TSPAN16: variants seen among roughly 807,000 people sequenced by gnomAD.
TSPAN16 encodes tetraspanin-16.
A neutral mutation model predicts 25.2 loss-of-function variants in TSPAN16; 23 were observed. That is an observed-to-expected ratio of 0.91 (90% CI 0.66 to 1.29). TSPAN16 has a LOEUF of 1.29. TSPAN16 is among the 50% of genes most tolerant of loss of function. The pLI is 0.00. For missense variants in TSPAN16, 272 were observed against 299.9 expected, an observed-to-expected ratio of 0.91 and a Z score of 0.69; for synonymous variants, 123 against 124.4, an observed-to-expected ratio of 0.99 and a Z score of 0.08.
chr19:11,306,037 G>C (rs2080622585), intron 4 of TSPAN16, among the ~76,000 whole-genome samples: 2 of 152,178 alleles, frequency 1.3e-5, no homozygotes, highest in Non-Finnish European at 2.9e-5. Context: ...GGAGGACAAG[G>C]AGGGTGGATC....
downstream of TSPAN16, among the ~76,000 whole-genome samples, chr19:11,320,300 T>C (rs1357868424): frequency 6.6e-6 from 1 of 152,002 alleles, no homozygotes; most frequent in Non-Finnish European, 1.5e-5. Context: ...TGTTATATTT[T>C]TAGTAGAGAT....
intron 6 of TSPAN16, among the ~76,000 whole-genome samples, chr19:11,313,039 A>C (rs2080709955): frequency 6.6e-6 from 1 of 152,188 alleles, no homozygotes; most frequent in Admixed American, 6.6e-5. Context: ...TTAAATTAGT[A>C]ACCAAAAAAC....
At position 11,310,679 on chromosome 19, in the gene TSPAN16, G is replaced by A. The variant is rs146730878; in HGVS notation, c.604-1460G>A. ...AGTACCCAAATTATGGGGTTATAGT[G>A]AGAAATGAGTAAGAAAATATGTGGA... On this transcript the variant is annotated intron_variant, in intron 5 of 6. Coordinates refer to ENST00000590327, the MANE Select transcript of TSPAN16 (RefSeq NM_001282509.2). Among the ~76,000 whole-genome samples the A allele has an allele frequency of 4.8e-3, 724 of 152,248 alleles. 9 individuals are homozygous for A. Among genetic ancestry groups the A allele is most frequent in the Admixed American group, 0.026 (402 of 15,270 alleles).
chr19:11,325,687 A>G, intron 6 of TSPAN16: 4 of 1,130,486 alleles, frequency 3.5e-6, no homozygotes, highest in East Asian at 2.4e-5. Context: ...TCTGCTCTTT[A>G]TCCTGCTGTG....
chr19:11,309,217 CAA>C (rs112897054), intron 5 of TSPAN16, among the ~76,000 whole-genome samples: 23 of 106,692 alleles, frequency 2.2e-4, no homozygotes, highest in Admixed American at 3.8e-4. Flanking sequence ...CTAAAATAGA[CAA>C]AAAAAAAAAA....
chr19:11,310,393 T>A (rs559288685), intron 5 of TSPAN16, among the ~76,000 whole-genome samples: 2 of 151,958 alleles, frequency 1.3e-5, no homozygotes, highest in East Asian at 3.9e-4. Flanking sequence ...TGGGAGCCTG[T>A]AACTCCAGCT....
At chr19:11,307,846 G>C (rs73508685) in intron 5 of TSPAN16, 8,440 of 152,222 alleles carry the variant, frequency 0.055, 791 homozygotes, top group African/African-American at 0.19. Context: ...AGGGACTTAC[G>C]GTTACCTTCT....
At chr19:11,318,537 G>C (rs2080760780), downstream of TSPAN16, among the ~76,000 whole-genome samples, 2 of 152,116 alleles carry the variant, frequency 1.3e-5, no homozygotes, top group African/African-American at 4.8e-5. Context: ...TTAAGATATA[G>C]TCATGGTCAC....
intron 3 of TSPAN16, among the ~76,000 whole-genome samples, chr19:11,299,274 C>T (rs984152590): frequency 6.0e-5 from 9 of 150,586 alleles, no homozygotes; most frequent in Non-Finnish European, 1.0e-4. Context: ...AATGAGACTC[C>T]GTTAAAAAAA....
At chr19:11,320,465 G>T (rs1367504458), downstream of TSPAN16, among the ~76,000 whole-genome samples, 1 of 151,992 alleles carries the variant, frequency 6.6e-6, no homozygotes, top group Admixed American at 6.6e-5. Flanking sequence ...ATGGCTGGAA[G>T]CTGGGAGTTC....
intron 5 of TSPAN16, among the ~76,000 whole-genome samples, chr19:11,309,638 T>C (rs1443924642): frequency 1.3e-5 from 2 of 152,264 alleles, no homozygotes; most frequent in Admixed American, 6.5e-5. Context: ...TCTGTCTTCA[T>C]ACCCTGTTTC....
chr19:11,316,118 G>GTGTGTGTGTGTGGT (rs1568295764), downstream of TSPAN16: 4 of 106,252 alleles, frequency 3.8e-5, no homozygotes, highest in Admixed American at 3.0e-4. Context: ...TGTGTGTGTG[G>GTGTGTGTGTGTGGT]TTTTTTTTTT....
chr19:11,306,493 A>G, intron 4 of TSPAN16, 111 bp from the exon 5 acceptor site: 1 of 1,312,256 alleles, frequency 7.6e-7, no homozygotes, highest in Non-Finnish European at 1.1e-6. Flanking sequence ...GATGTTTAGC[A>G]CAGTCTCTGG....
At chr19:11,296,683 G>T (rs1182730804) in intron 1 of TSPAN16, among the ~76,000 whole-genome samples, 3 of 152,222 alleles carry the variant, frequency 2.0e-5, no homozygotes, top group Non-Finnish European at 4.4e-5. Flanking sequence ...TTATTTTCTT[G>T]ATCTTTTAAA....
downstream of TSPAN16, among the ~76,000 whole-genome samples, chr19:11,320,138 T>TTTTTTTTTTTTTTA (rs2080769662): frequency 1.1e-4 from 16 of 149,138 alleles, no homozygotes; most frequent in Middle Eastern, 3.5e-3. Context: ...TTTTTTTTTT[T>TTTTTTTTTTTTTTA]GAGACGGAGT....
At chr19:11,316,207 C>T (rs1367441767), downstream of TSPAN16, among the ~76,000 whole-genome samples, 2 of 151,634 alleles carry the variant, frequency 1.3e-5, no homozygotes, top group African/African-American at 4.9e-5. Flanking sequence ...CAACCTCCAC[C>T]TCCGGGGTTC....
chr19:11,314,562 T>C (rs2080725660), intron 6 of TSPAN16, among the ~76,000 whole-genome samples: 1 of 152,148 alleles, frequency 6.6e-6, no homozygotes, highest in Non-Finnish European at 1.5e-5. Context: ...GAATATGTAC[T>C]TGTAAACTAT....
At chr19:11,309,465 G>A (rs2080666728) in intron 5 of TSPAN16, among the ~76,000 whole-genome samples, 1 of 152,200 alleles carries the variant, frequency 6.6e-6, no homozygotes, top group African/African-American at 2.4e-5. Context: ...AGAAACACCA[G>A]GCACATGCCT....
intron 6 of TSPAN16, among the ~76,000 whole-genome samples, chr19:11,325,842 G>A (rs140142292): frequency 1.8e-4 from 28 of 152,286 alleles, no homozygotes; most frequent in Non-Finnish European, 3.2e-4. Flanking sequence ...AGGAAGCTAC[G>A]GCGGGAGGAT....
Sources: allele counts gnomAD v4.1 joint callset (sites outside exome capture counted in the v4.1 genomes callset), GRCh38; gene constraint gnomAD v4.1.1; transcripts MANE v1.5; gene names NCBI Gene and HGNC (gene_info 2026-07-23, HGNC 2026-07-21).